The following FHOD3 variants were observed in gnomAD, a reference collection of about 807,000 sequenced individuals.
FHOD3 encodes formin homology 2 domain containing 3.
A neutral mutation model predicts 173.0 loss-of-function variants in FHOD3; 90 were observed. The ratio of observed to expected loss-of-function variants is 0.52; its 90% confidence interval spans 0.44 to 0.62. FHOD3 has a LOEUF of 0.62. FHOD3 is among the 20% of genes least tolerant of loss of function. The probability of loss-of-function intolerance (pLI) is 0.00; values close to 1 mark genes in which losing one functional copy is unlikely to be tolerated. For missense variants in FHOD3, 1,945 were observed against 2,034.7 expected, an observed-to-expected ratio of 0.96 and a Z score of 0.85; for synonymous variants, 828 against 823.0, an observed-to-expected ratio of 1.01 and a Z score of -0.10.
At chr18:36,726,997 A>AGGAT (rs1232089800) in intron 19 of FHOD3, among the ~76,000 whole-genome samples, 1 of 152,112 alleles carries the variant, frequency 6.6e-6, no homozygotes, top group Non-Finnish European at 1.5e-5. Context: ...TAGCAAGAGT[A>AGGAT]GGATGGATGG....
chr18:36,409,421 T>C (rs1338297742), intron 3 of FHOD3, among the ~76,000 whole-genome samples: 1 of 152,156 alleles, frequency 6.6e-6, no homozygotes, highest in African/African-American at 2.4e-5. Context: ...CGTTGCTGTC[T>C]TGCACTATTC....
At chr18:36,533,209 A>T (rs553291299) in intron 5 of FHOD3, among the ~76,000 whole-genome samples, 4 of 152,248 alleles carry the variant, frequency 2.6e-5, no homozygotes, top group Non-Finnish European at 4.4e-5. Context: ...CAGTTTCCTC[A>T]TCTGCAAACC....
intron 27 of FHOD3, among the ~76,000 whole-genome samples, chr18:36,766,962 C>T (rs1017505246): frequency 6.6e-6 from 1 of 151,998 alleles, no homozygotes; most frequent in Non-Finnish European, 1.5e-5. Context: ...CAGGAAATTG[C>T]GGGGTAAAAC....
intron 5 of FHOD3, among the ~76,000 whole-genome samples, chr18:36,546,770 G>A (rs2057425530): frequency 1.3e-5 from 2 of 152,206 alleles, no homozygotes; most frequent in Non-Finnish European, 2.9e-5. Context: ...TACCAGAGCT[G>A]TGAGGGGACA....
intron 19 of FHOD3, among the ~76,000 whole-genome samples, chr18:36,726,016 A>T (rs1323984960): frequency 1.3e-5 from 2 of 152,020 alleles, no homozygotes; most frequent in African/African-American, 4.8e-5. Context: ...TTTCATGTTC[A>T]CTTTAGACAT....
rs571688362 is a variant in FHOD3, at chr18:36,712,037, A to G, written c.2533+2646A>G. On this transcript the variant is annotated intron_variant, in intron 18 of 28. Coordinates refer to ENST00000590592, the MANE Select transcript of FHOD3 (RefSeq NM_001281740.3). The stretch of plus-strand genomic sequence containing the variant: ...TGACGTTCTACCCTCCTCATCTGCA[A>G]TGAGCCAGTGTGAGTCAGCGCTCTT... Among the ~76,000 whole-genome samples the G allele has an allele frequency of 1.1e-4, 16 of 152,330 alleles. No individual in the cohort carries two copies. The South Asian group carries it at 1.9e-3, about 18-fold the overall frequency.
Position 36,717,928 on chromosome 18 carries a change from A to G in FHOD3, c.2630A>G (p.His877Arg). The change falls in exon 19 of 29, where the codon CAT becomes CGT. Residue 877 changes from histidine to arginine, a missense_variant. Transcript: ENST00000590592. ...TTCATGCTTGACATGCTGTATGCCC[A>G]TAACAGGAAGTCTCCGGATGATGAG... ...KRFMLDMLYA[H>R]NRKSPDDEEK... The G allele has an allele frequency of 1.9e-6, 3 of 1,614,048 alleles. No homozygotes were observed. Among genetic ancestry groups the G allele is most frequent in the Non-Finnish European group, 2.5e-6 (3 of 1,179,980 alleles).
At chr18:36,742,039 C>G (rs890853146) in intron 21 of FHOD3, among the ~76,000 whole-genome samples, 3 of 152,108 alleles carry the variant, frequency 2.0e-5, no homozygotes, top group Admixed American at 6.5e-5. Context: ...GAAAACAGAT[C>G]ACTGGGTCAG....
intron 17 of FHOD3, among the ~76,000 whole-genome samples, chr18:36,695,756 A>G (rs947794330): frequency 6.6e-6 from 1 of 152,252 alleles, no homozygotes. Context: ...GGCCTTTATG[A>G]CAGAAATGCA....
chr18:36,438,833 C>G (rs1187599412), intron 3 of FHOD3, among the ~76,000 whole-genome samples: 1 of 152,224 alleles, frequency 6.6e-6, no homozygotes, highest in Non-Finnish European at 1.5e-5. Context: ...TGAGTTTTCA[C>G]TCAGAAAACC....
chr18:36,708,460 G>A (rs2039999970), intron 17 of FHOD3, among the ~76,000 whole-genome samples: 1 of 152,190 alleles, frequency 6.6e-6, no homozygotes, highest in African/African-American at 2.4e-5. Flanking sequence ...CACAGACATA[G>A]CGATTGGAAA....
chr18:36,457,471 T>G (rs1007173166), intron 3 of FHOD3, among the ~76,000 whole-genome samples: 1 of 152,062 alleles, frequency 6.6e-6, no homozygotes, highest in Non-Finnish European at 1.5e-5. Flanking sequence ...AACATCTGAC[T>G]TTTGCAAAAA....
intron 1 of FHOD3, among the ~76,000 whole-genome samples, chr18:36,335,746 C>T (rs534363971): frequency 2.0e-5 from 3 of 152,292 alleles, no homozygotes; most frequent in African/African-American, 7.2e-5. Flanking sequence ...GCTGCCACAT[C>T]TCTGTTCCTG....
At chr18:36,438,881 G>T (rs1249688807) in intron 3 of FHOD3, among the ~76,000 whole-genome samples, 1 of 152,222 alleles carries the variant, frequency 6.6e-6, no homozygotes, top group Non-Finnish European at 1.5e-5. Context: ...TGGCCTCAGG[G>T]TGAGGCCTAG....
chr18:36,730,869 T>C, intron 20 of FHOD3, 65 bp downstream of exon 20: 1 of 1,489,310 alleles, frequency 6.7e-7, no homozygotes, highest in South Asian at 1.3e-5. Flanking sequence ...ATATGCTGCA[T>C]GTCCACATTT....
At chr18:36,619,289 T>G (rs905107050) in intron 9 of FHOD3, among the ~76,000 whole-genome samples, 6 of 152,142 alleles carry the variant, frequency 3.9e-5, no homozygotes, top group African/African-American at 1.2e-4. Flanking sequence ...CCAAGGAAGC[T>G]CTGACTGTAT....
intron 8 of FHOD3, among the ~76,000 whole-genome samples, chr18:36,609,740 G>C (rs1437998987): frequency 2.0e-5 from 3 of 151,524 alleles, no homozygotes; most frequent in African/African-American, 2.4e-5. Context: ...CTCCCAAGTA[G>C]CTGGGATTAC....
At position 36,725,497 on chromosome 18, in the gene FHOD3, C is replaced by T. The variant is rs76420424; in HGVS notation, c.3418-5149C>T. Among the ~76,000 whole-genome samples the T allele has an allele frequency of 8.9e-3, 1,348 of 152,274 alleles. 13 individuals carry two copies. Among genetic ancestry groups the T allele is most frequent in the African/African-American group, 0.031 (1,286 of 41,556 alleles). Reference sequence around the variant, plus strand: ...ATCAGGGACTGGGCTTGTTTCTCAGCCTCTTCTGTACCTGTGCAGGGTTCA... The same window carrying T: ...ATCAGGGACTGGGCTTGTTTCTCAGTCTCTTCTGTACCTGTGCAGGGTTCA... On this transcript the variant is annotated intron_variant, in intron 19 of 28. Coordinates refer to ENST00000590592, the MANE Select transcript of FHOD3 (RefSeq NM_001281740.3).
chr18:36,583,388 A>G (rs539012255), intron 6 of FHOD3, among the ~76,000 whole-genome samples: 17 of 152,340 alleles, frequency 1.1e-4, no homozygotes, highest in African/African-American at 4.1e-4. Flanking sequence ...ACTAAGCAAC[A>G]GGAGATGCCC....
Sources: gnomAD v4.1 joint callset for allele counts (sites outside exome capture counted in the v4.1 genomes callset) on GRCh38, gnomAD v4.1.1 for gene constraint, MANE v1.5 for transcripts, NCBI Gene and HGNC (gene_info 2026-07-23, HGNC 2026-07-21) for gene names.